Variants in HERC6 observed in about 807,000 individuals in gnomAD.
The protein encoded by HERC6 is HECT and RLD domain containing E3 ubiquitin protein ligase family member 6, also known as probable E3 ubiquitin-protein ligase HERC6.
HERC6 carries 101 observed loss-of-function variants against 114.5 expected under a neutral mutation model. The observed-to-expected ratio is 0.88, with a 90% CI of 0.75 to 1.04. The LOEUF (loss-of-function observed/expected upper bound fraction) is 1.04. Ranked by LOEUF, HERC6 falls within the 50% of genes least tolerant of loss-of-function variation. The pLI, the probability that HERC6 is intolerant of heterozygous loss-of-function variation, is 0.00. For missense variants in HERC6, 1,133 were observed against 1,230.9 expected, an observed-to-expected ratio of 0.92 and a Z score of 1.19; for synonymous variants, 408 against 436.2, an observed-to-expected ratio of 0.94 and a Z score of 0.81.
intron 1 of HERC6, 143 bp downstream of exon 1, chr4:88,379,263 A>T: frequency 1.5e-6 from 1 of 646,916 alleles, no homozygotes. Flanking sequence ...AGCGGCTCAG[A>T]TGCTGGGCGC....
chr4:88,401,275 A>G (rs912657906), intron 8 of HERC6, among the ~76,000 whole-genome samples: 1 of 152,068 alleles, frequency 6.6e-6, no homozygotes, highest in Non-Finnish European at 1.5e-5. Context: ...CGGGTGGATC[A>G]CAAGGTCAGG....
At chr4:88,387,194 T>A (rs113532468) in intron 3 of HERC6, among the ~76,000 whole-genome samples, 9,475 of 152,204 alleles carry the variant, frequency 0.062, 381 homozygotes, top group Middle Eastern at 0.099. Flanking sequence ...GCCAGGAGTT[T>A]GAGACCAGCC....
chr4:88,385,973 T>G (rs1195072738), intron 3 of HERC6, among the ~76,000 whole-genome samples: 1 of 151,998 alleles, frequency 6.6e-6, no homozygotes, highest in Non-Finnish European at 1.5e-5. Flanking sequence ...TTTTAAAAAT[T>G]TTTACTTATT....
At chr4:88,411,540 G>A (rs1736103887) in intron 11 of HERC6, among the ~76,000 whole-genome samples, 1 of 152,144 alleles carries the variant, frequency 6.6e-6, no homozygotes, top group African/African-American at 2.4e-5. Flanking sequence ...GTACATCACA[G>A]TTTATTGTTG....
intron 2 of HERC6, among the ~76,000 whole-genome samples, chr4:88,384,540 C>T (rs892102515): frequency 2.0e-5 from 3 of 152,128 alleles, no homozygotes; most frequent in South Asian, 2.1e-4. Flanking sequence ...GATTTTCAAA[C>T]GCATGCTTTT....
intron 17 of HERC6, among the ~76,000 whole-genome samples, chr4:88,432,921 T>C (rs1281750964): frequency 6.6e-6 from 1 of 151,012 alleles, no homozygotes; most frequent in African/African-American, 2.4e-5. Context: ...ACCCTATCTC[T>C]ACTAAAAATA....
At chr4:88,406,338 C>T (rs1391980836) in intron 10 of HERC6, among the ~76,000 whole-genome samples, 1 of 152,202 alleles carries the variant, frequency 6.6e-6, no homozygotes, top group Non-Finnish European at 1.5e-5. Context: ...TATGGTGATA[C>T]ACATCTTGTA....
chr4:88,428,771 G>T (rs746280946), intron 16 of HERC6, 21 bp downstream of exon 16: 4 of 1,479,556 alleles, frequency 2.7e-6, no homozygotes. Context: ...AAGTCTCATT[G>T]AACATTTTTA....
chr4:88,403,872 T>A (rs6825412), intron 8 of HERC6, among the ~76,000 whole-genome samples: 59,638 of 152,050 alleles, frequency 0.39, 13,805 homozygotes, highest in East Asian at 0.67. Flanking sequence ...TTGCCATTTT[T>A]ATCATTTTAA....
chr4:88,381,065 T>G (rs987090032), intron 1 of HERC6, among the ~76,000 whole-genome samples: 3 of 152,142 alleles, frequency 2.0e-5, no homozygotes, highest in African/African-American at 7.2e-5. Context: ...CCATAATTAT[T>G]CTCTTTTTGT....
intron 17 of HERC6, among the ~76,000 whole-genome samples, chr4:88,431,512 C>T (rs976095027): frequency 6.6e-6 from 1 of 152,196 alleles, no homozygotes; most frequent in Non-Finnish European, 1.5e-5. Flanking sequence ...CCCTACTCTA[C>T]ACCTACTGAA....
chr4:88,439,782 T>C, intron 20 of HERC6, 92 bp from the exon 21 acceptor site: 1 of 1,218,754 alleles, frequency 8.2e-7, no homozygotes, highest in Non-Finnish European at 1.1e-6. Flanking sequence ...TCCTTCTCAA[T>C]AGAAATAGTA....
intron 8 of HERC6, among the ~76,000 whole-genome samples, chr4:88,401,361 AG>A (rs1735525948): frequency 6.6e-6 from 1 of 151,526 alleles, no homozygotes; most frequent in South Asian, 2.1e-4. Context: ...GGTGTGGTGG[AG>A]GGCACCTGTA....
intron 8 of HERC6, 96 bp downstream of exon 8, chr4:88,398,305 CT>C (rs1735352014): frequency 1.7e-6 from 1 of 597,642 alleles, no homozygotes; most frequent in South Asian, 4.0e-5. Flanking sequence ...ATATTCAGGT[CT>C]TTTACTAAAA....
intron 5 of HERC6, among the ~76,000 whole-genome samples, chr4:88,395,257 A>G (rs112778296): frequency 1.1e-3 from 160 of 152,334 alleles, no homozygotes; most frequent in Non-Finnish European, 1.5e-3. Flanking sequence ...AGAGAAAGCT[A>G]GAGTTGTTTG....
intron 19 of HERC6, 89 bp downstream of exon 19, chr4:88,437,060 C>CTT (rs545282245): frequency 9.7e-4 from 734 of 753,682 alleles, no homozygotes; most frequent in South Asian, 1.7e-3. Flanking sequence ...TTTGGGATCC[C>CTT]TTTTTTTTTT....
intron 11 of HERC6, among the ~76,000 whole-genome samples, chr4:88,409,792 G>A (rs895036787): frequency 6.6e-6 from 1 of 152,146 alleles, no homozygotes; most frequent in East Asian, 1.9e-4. Flanking sequence ...GTGATTCTGG[G>A]TTGTATTGGG....
In HERC6 at chr4:88,435,341, A is replaced by G. The variant is rs74896461; in HGVS notation, c.2251-384A>G. 6.6e-3 allele frequency among the ~76,000 whole-genome samples: 997 copies of G among 151,924 alleles called. 12 individuals carry two copies. Among genetic ancestry groups the G allele is most frequent in the African/African-American group, 0.023 (957 of 41,420 alleles). ...GCCACTCATGCGAGGCTCATCTAAT[A>G]TGCCTGGTGACCAATAAATGTATAA... On this transcript the variant is annotated intron_variant, in intron 17 of 22. Coordinates refer to ENST00000264346, the MANE Select transcript of HERC6 (RefSeq NM_017912.4).
In HERC6 at chr4:88,396,153, T is replaced by G. The variant is rs771124106; in HGVS notation, c.887+11T>G. The G allele has an allele frequency of 7.3e-6, 11 of 1,515,914 alleles. No individual in the cohort carries two copies. The highest frequency in any genetic ancestry group is 6.3e-5 in the Admixed American group (3 of 47,296). The allele number at this position is 1,515,914 out of a possible 1,614,324, so 93.9% of individuals were successfully genotyped here. A position where few individuals can be genotyped will look rare whatever the true frequency, so the allele number is the denominator to read the frequency against. ...GATAGATTGTGGAAGGTAATAGGCT[T>G]CTTCTTCTTCTTTTTCTTAGCATGT... On this transcript the variant is annotated intron_variant, in intron 6 of 22. Transcript: ENST00000264346.
Sources: allele counts gnomAD v4.1 joint callset (sites outside exome capture counted in the v4.1 genomes callset), GRCh38; gene constraint gnomAD v4.1.1; transcripts MANE v1.5; gene names NCBI Gene and HGNC (gene_info 2026-07-23, HGNC 2026-07-21).